The following ANO3 variants were observed in gnomAD, a reference collection of about 807,000 sequenced individuals.
The protein encoded by ANO3 is anoctamin-3.
In ANO3, 99 loss-of-function variants were observed where a neutral mutation model predicts 144.8. The ratio of observed to expected loss-of-function variants is 0.68; its 90% CI spans 0.58 to 0.81. The LOEUF (loss-of-function observed/expected upper bound fraction) is 0.81. ANO3 is among the 30% of genes least tolerant of loss of function. The pLI is 0.00. For synonymous variants in ANO3, 414 were observed against 392.6 expected (o/e 1.05, Z -0.64); for missense variants, 905 against 1,202.2 (o/e 0.75, Z 3.66).
At chr11:26,387,603 C>T (rs913292695) in intron 1 of ANO3, among the ~76,000 whole-genome samples, 1 of 151,900 alleles carries the variant, frequency 6.6e-6, no homozygotes. Context: ...TGCTCTATGT[C>T]CTGTATGTTA....
chr11:26,322,291 T>C (rs1854778256), intron 1 of ANO3, among the ~76,000 whole-genome samples: 1 of 152,166 alleles, frequency 6.6e-6, no homozygotes, highest in South Asian at 2.1e-4. Flanking sequence ...CATATACCTC[T>C]CTCCCTGCAC....
chr11:26,576,284 T>TTG (rs1163067025), intron 14 of ANO3, among the ~76,000 whole-genome samples: 1 of 152,212 alleles, frequency 6.6e-6, no homozygotes, highest in Non-Finnish European at 1.5e-5. Flanking sequence ...TACTTCTTAG[T>TTG]TGTGTGTGGA....
intron 1 of ANO3, among the ~76,000 whole-genome samples, chr11:26,273,251 G>C (rs1204350597): frequency 8.1e-6 from 1 of 123,358 alleles, no homozygotes; most frequent in East Asian, 2.5e-4. Context: ...TTTTTATATT[G>C]GACAATGCCC....
intron 14 of ANO3, among the ~76,000 whole-genome samples, chr11:26,570,986 T>G (rs768865397): frequency 6.6e-6 from 1 of 151,694 alleles, no homozygotes; most frequent in Non-Finnish European, 1.5e-5. Flanking sequence ...AAAGAAAAAA[T>G]AAAAAAGAAA....
chr11:26,354,968 A>C, intron 1 of ANO3, among the ~76,000 whole-genome samples: 1 of 151,544 alleles, frequency 6.6e-6, no homozygotes, highest in Non-Finnish European at 1.5e-5. Context: ...CTAAAGGCCT[A>C]GCAATAATGT....
intron 1 of ANO3, among the ~76,000 whole-genome samples, chr11:26,348,280 CT>C (rs1590280991): frequency 6.6e-6 from 1 of 152,050 alleles, no homozygotes; most frequent in Non-Finnish European, 1.5e-5. Flanking sequence ...AGTACTGATA[CT>C]TTTTGTCAAA....
At chr11:26,605,878 A>C (rs1427684246) in intron 17 of ANO3, among the ~76,000 whole-genome samples, 2 of 151,742 alleles carry the variant, frequency 1.3e-5, no homozygotes, top group Non-Finnish European at 2.9e-5. Flanking sequence ...TCTTTTAAAA[A>C]AAAACCAACT....
chr11:26,447,354 T>G (rs1336764233), intron 3 of ANO3, among the ~76,000 whole-genome samples: 1 of 152,160 alleles, frequency 6.6e-6, no homozygotes, highest in Non-Finnish European at 1.5e-5. Context: ...CCCTTTTAGT[T>G]AGGTAGCACT....
At position 26,596,265 on chromosome 11, in the gene ANO3, CCT is replaced by C. The variant is rs528623296; in HGVS notation, c.1448-2093_1448-2092del. On this transcript the variant is annotated intron_variant, in intron 14 of 26. Coordinates refer to ENST00000256737, the MANE Select transcript of ANO3 (RefSeq NM_031418.4). ...TTCTTCCTCTCTCTCTCCCTCTCTGCCTCTCTCTTTCTCCTCTCTGCCTCTGT... is the reference window on the plus strand; with the variant it reads ...TTCTTCCTCTCTCTCTCCCTCTCTGCCTCTCTTTCTCCTCTCTGCCTCTGT... Among the ~76,000 whole-genome samples, 29 of 152,202 alleles carry C rather than the reference CCT, an allele frequency of 1.9e-4. No individual in the cohort carries two copies. In the South Asian group the frequency reaches 5.6e-3, roughly 29 times the overall value.
intron 14 of ANO3, among the ~76,000 whole-genome samples, chr11:26,587,944 A>C (rs1368751732): frequency 6.6e-6 from 1 of 151,770 alleles, no homozygotes; most frequent in Non-Finnish European, 1.5e-5. Flanking sequence ...TCTCAAAAAA[A>C]AAAAAAAAAA....
At chr11:26,557,555 A>G (rs951973930) in intron 13 of ANO3, among the ~76,000 whole-genome samples, 1 of 151,946 alleles carries the variant, frequency 6.6e-6, no homozygotes, top group African/African-American at 2.4e-5. Context: ...TTAATGTATT[A>G]CATATTTAAT....
At chr11:26,372,709 G>A (rs1856295653) in intron 1 of ANO3, among the ~76,000 whole-genome samples, 1 of 152,130 alleles carries the variant, frequency 6.6e-6, no homozygotes, top group African/African-American at 2.4e-5. Context: ...TATTCTGGTG[G>A]CAGAGAAAGA....
rs1437361442 is a variant in ANO3 at position 26,542,181 on chromosome 11, AC to A, written c.1154+115del. The A allele has an allele frequency of 2.0e-5, 24 of 1,203,866 alleles. No homozygotes were observed. In the Admixed American group the frequency reaches 2.0e-4, roughly 10 times the overall value. The allele number at this position is 1,203,866 out of a possible 1,614,324, so 74.6% of individuals were successfully genotyped here. ...TGAGGATGCAGTCTACAAAAAAGCA[AC>A]CACTATAAGATTTTTCAGTAAAAGA... On this transcript the variant is annotated intron_variant, in intron 11 of 26. Coordinates refer to ENST00000256737, the MANE Select transcript of ANO3 (RefSeq NM_031418.4).
intron 12 of ANO3, among the ~76,000 whole-genome samples, chr11:26,551,893 A>C (rs1849942549): frequency 6.6e-6 from 1 of 152,040 alleles, no homozygotes; most frequent in South Asian, 2.1e-4. Flanking sequence ...GTGTGAAAGT[A>C]GAAGAGCTAT....
At chr11:26,336,889 T>C (rs1053186653) in intron 1 of ANO3, among the ~76,000 whole-genome samples, 2 of 152,160 alleles carry the variant, frequency 1.3e-5, no homozygotes, top group African/African-American at 2.4e-5. Context: ...CTAAGTTGTA[T>C]AGGAAAAATC....
At chr11:26,560,882 T>C in intron 14 of ANO3, 1 of 545,920 alleles carries the variant, frequency 1.8e-6, no homozygotes, top group Non-Finnish European at 3.0e-6. Flanking sequence ...CCAAAAATTG[T>C]AAGAAAGAAA....
chr11:26,480,691 C>G (rs1329259630), intron 4 of ANO3, among the ~76,000 whole-genome samples: 1 of 151,840 alleles, frequency 6.6e-6, no homozygotes, highest in Admixed American at 6.6e-5. Flanking sequence ...ACCTGTAGAC[C>G]CAGCTACTTG....
intron 14 of ANO3, among the ~76,000 whole-genome samples, chr11:26,594,497 C>G (rs1267516461): frequency 6.6e-6 from 1 of 152,130 alleles, no homozygotes; most frequent in Non-Finnish European, 1.5e-5. Flanking sequence ...TGAGAATTCA[C>G]CTAGGTCTAT....
At chr11:26,598,830 A>AT in intron 15 of ANO3, 28 bp from the exon 16 acceptor site, 1 of 1,602,516 alleles carries the variant, frequency 6.2e-7, no homozygotes, top group Non-Finnish European at 8.5e-7. Context: ...TGGCTTTGAT[A>AT]TTTAGATAAC....
Sources: gnomAD v4.1 joint callset for allele counts (sites outside exome capture counted in the v4.1 genomes callset) on GRCh38, gnomAD v4.1.1 for gene constraint, MANE v1.5 for transcripts, NCBI Gene and HGNC (gene_info 2026-07-23, HGNC 2026-07-21) for gene names.